RCN2: variants seen among roughly 807,000 people sequenced by gnomAD.
RCN2 encodes reticulocalbin 2.
RCN2 carries 23 observed loss-of-function variants against 37.5 expected under a neutral mutation model. The ratio of observed to expected loss-of-function variants is 0.61; its 90% confidence interval spans 0.44 to 0.87. RCN2 has a LOEUF of 0.87. Ranked by LOEUF, RCN2 falls within the 40% of genes least tolerant of loss-of-function variation. RCN2 has a pLI of 0.00. For synonymous variants in RCN2, 140 were observed against 144.6 expected, an observed-to-expected ratio of 0.97 and a Z score of 0.23; for missense variants, 381 against 390.4, an observed-to-expected ratio of 0.98 and a Z score of 0.20.
intron 3 of RCN2, among the ~76,000 whole-genome samples, chr15:76,938,990 C>T (rs1453640110): frequency 6.6e-6 from 1 of 152,168 alleles, no homozygotes; most frequent in Non-Finnish European, 1.5e-5. Flanking sequence ...TGTGGCAAGA[C>T]CCCGTCCCTA....
At position 76,931,772 on chromosome 15, in the gene RCN2, A is replaced by G. The variant is rs2075221539; in HGVS notation, c.-70A>G. 2 of 1,140,696 alleles carry G rather than the reference A, an allele frequency of 1.8e-6. No individual in the cohort carries two copies. The highest frequency in any genetic ancestry group is 2.2e-6 in the Non-Finnish European group (2 of 917,594). The allele number at this position is 1,140,696 out of a possible 1,614,324, so 70.7% of individuals were successfully genotyped here. On this transcript the variant is annotated 5_prime_UTR_variant, in exon 1 of 7. Coordinates refer to ENST00000394885, the MANE Select transcript of RCN2 (RefSeq NM_002902.3). ...GCCTCTCTGTAGCCGCCCGCGGAGC[A>G]TCGCAGCCGGCCCGGGCCCCCGCCA...
chr15:76,940,109 A>ATT (rs112017316), intron 3 of RCN2, among the ~76,000 whole-genome samples: 1,875 of 148,624 alleles, frequency 0.013, 33 homozygotes, highest in African/African-American at 0.043. Flanking sequence ...CCTTTTGGTT[A>ATT]TTTTTTTTTT....
rs767757361 is a variant in RCN2 at position 76,949,270 on chromosome 15, A to G, written c.*48A>G. ...GTACTGGCTCCTTTTATAATTTGTTACCAGCTTTACTTTTGTGATAAAATA... is the reference window on the plus strand; with the variant it reads ...GTACTGGCTCCTTTTATAATTTGTTGCCAGCTTTACTTTTGTGATAAAATA... On this transcript the variant is annotated 3_prime_UTR_variant, in exon 7 of 7. Transcript: ENST00000394885. 5 of 1,293,208 alleles carry G rather than the reference A, an allele frequency of 3.9e-6. No homozygotes were observed. The South Asian group carries it at 8.8e-5, about 23-fold the overall frequency. 80.1% of individuals were successfully genotyped at this position (1,293,208 alleles called of 1,614,324 possible).
At chr15:76,934,142 G>GTTT (rs1257658118) in intron 2 of RCN2, among the ~76,000 whole-genome samples, 3 of 151,016 alleles carry the variant, frequency 2.0e-5, no homozygotes, top group Non-Finnish European at 1.5e-5. Flanking sequence ...TTTATGAATA[G>GTTT]TTTTTTGTTT....
chr15:76,938,800 G>C, intron 3 of RCN2: 2 of 454,928 alleles, frequency 4.4e-6, no homozygotes, highest in Non-Finnish European at 8.9e-6. Flanking sequence ...AGCACTTCAC[G>C]GTTGTGTAAC....
chr15:76,948,263 A>T (rs1333719518), intron 5 of RCN2, 147 bp from the exon 6 acceptor site: 4 of 481,800 alleles, frequency 8.3e-6, no homozygotes, highest in Non-Finnish European at 1.4e-5. Context: ...TTCTTATGTC[A>T]GGACTTTTCA....
chr15:76,947,821 C>G, intron 5 of RCN2: 1 of 281,904 alleles, frequency 3.5e-6, no homozygotes, highest in Non-Finnish European at 6.5e-6. Context: ...AAACAAAATC[C>G]TGTGCTGTTG....
At position 76,950,185 on chromosome 15, in the gene RCN2, C is replaced by T. The variant is rs927770078; in HGVS notation, c.*963C>T. ...TCTTGAGTAACGCAGGTTGGAATTACCAATAGAGCTGGTCAGTTATCAACA... is the reference window on the plus strand; with the variant it reads ...TCTTGAGTAACGCAGGTTGGAATTATCAATAGAGCTGGTCAGTTATCAACA... On this transcript the variant is annotated 3_prime_UTR_variant, in exon 7 of 7. Transcript: ENST00000394885. The T allele has an allele frequency of 3.9e-5, 6 of 151,906 alleles. No individual in the cohort carries two copies. Among genetic ancestry groups the T allele is most frequent in the Non-Finnish European group, 8.8e-5 (6 of 68,014 alleles). The allele number at this position is 151,906 out of a possible 1,614,324, so 9.4% of individuals were successfully genotyped here.
At chr15:76,933,059 G>A (rs1401415911) in intron 2 of RCN2, among the ~76,000 whole-genome samples, 1 of 151,838 alleles carries the variant, frequency 6.6e-6, no homozygotes, top group African/African-American at 2.4e-5. Context: ...CTTAATTCAG[G>A]TTTTAATATC....
intron 2 of RCN2, among the ~76,000 whole-genome samples, chr15:76,934,382 TC>T (rs2075237914): frequency 6.6e-6 from 1 of 152,178 alleles, no homozygotes; most frequent in Non-Finnish European, 1.5e-5. Context: ...CCTTAGGTGA[TC>T]CGCCTGCCTC....
At chr15:76,938,893 G>A (rs1394308510) in intron 3 of RCN2, 2 of 419,812 alleles carry the variant, frequency 4.8e-6, no homozygotes, top group Admixed American at 2.4e-5. Flanking sequence ...CAGGCCAGGT[G>A]TGGTGGCTCA....
rs751147674 is a variant in RCN2 at position 76,933,785 on chromosome 15, C to T, written c.250+1319C>T. On this transcript the variant is annotated intron_variant, in intron 2 of 6. Coordinates refer to ENST00000394885, the MANE Select transcript of RCN2 (RefSeq NM_002902.3). ...CTAGAAGAAAGATTCATGGTGCTTACGAAAGCCTTCATTCTACTTGAGGAC... is the reference window on the plus strand; with the variant it reads ...CTAGAAGAAAGATTCATGGTGCTTATGAAAGCCTTCATTCTACTTGAGGAC... Among the ~76,000 whole-genome samples, 5 of 152,170 alleles carry T rather than the reference C, an allele frequency of 3.3e-5. No homozygotes were observed. The East Asian group carries it at 7.8e-4, about 24-fold the overall frequency.
intron 3 of RCN2, chr15:76,941,760 C>CTTT: frequency 6.2e-5 from 36 of 581,196 alleles, no homozygotes; most frequent in South Asian, 7.9e-5. Context: ...ACCCCCTTCA[C>CTTT]TTTTTTTTTT....
In RCN2 at chr15:76,943,984, C is replaced by CTTT. The variant is rs11361216; in HGVS notation, c.561+137_561+139dup. 44 of 96,396 alleles carry CTTT rather than the reference C, an allele frequency of 4.6e-4. 1 individual carries two copies. Among genetic ancestry groups the CTTT allele is most frequent in the South Asian group, 2.0e-3 (12 of 5,862 alleles). The allele number at this position is 96,396 out of a possible 1,614,324, so 6.0% of individuals were successfully genotyped here. On this transcript the variant is annotated intron_variant, in intron 4 of 6. Transcript: ENST00000394885. Reference sequence around the variant, plus strand: ...ATATATGTTTATGGGATACATGAGACTTTTTTTTTTTTTTTTTTTTTTTTT... The same window carrying CTTT: ...ATATATGTTTATGGGATACATGAGACTTTTTTTTTTTTTTTTTTTTTTTTTTTT...
At chr15:76,944,374 C>T (rs955612448) in intron 4 of RCN2, among the ~76,000 whole-genome samples, 1 of 152,096 alleles carries the variant, frequency 6.6e-6, no homozygotes, top group Non-Finnish European at 1.5e-5. Context: ...GTGTTACTAA[C>T]AATCCCGTGA....
chr15:76,931,759 C>A lies in RCN2; in HGVS notation c.-83C>A. ...CGTACGTCGCACCGCCTCTCTGTAG[C>A]CGCCCGCGGAGCATCGCAGCCGGCC... On this transcript the variant is annotated 5_prime_UTR_variant, in exon 1 of 7. Coordinates refer to ENST00000394885, the MANE Select transcript of RCN2 (RefSeq NM_002902.3). The A allele has an allele frequency of 9.2e-7, 1 of 1,083,208 alleles. No individual in the cohort carries two copies. The highest frequency in any genetic ancestry group is 1.7e-5 in the African/African-American group (1 of 60,328). The allele number at this position is 1,083,208 out of a possible 1,614,324, so 67.1% of individuals were successfully genotyped here.
chr15:76,936,393 G>A (rs1010399558), intron 3 of RCN2, among the ~76,000 whole-genome samples: 2 of 152,130 alleles, frequency 1.3e-5, no homozygotes, highest in African/African-American at 4.8e-5. Flanking sequence ...GTGTGGCGGG[G>A]GGGTGGGGAA....
In RCN2 at chr15:76,938,958, G is replaced by C. The variant is rs959720425; in HGVS notation, c.447+3236G>C. 12 of 343,348 alleles carry C rather than the reference G, an allele frequency of 3.5e-5. No individual in the cohort carries two copies. The East Asian group carries it at 9.0e-4, about 26-fold the overall frequency. The allele number at this position is 343,348 out of a possible 1,614,324, so 21.3% of individuals were successfully genotyped here. A position where few individuals can be genotyped will look rare whatever the true frequency, so the allele number is the denominator to read the frequency against. On this transcript the variant is annotated intron_variant, in intron 3 of 6. Transcript: ENST00000394885. Reference sequence around the variant, plus strand: ...AAGGTGGGAGAATCACTTGAGCCCAGAGTTCGAGAACAACTGGGCAATGTG... The same window carrying C: ...AAGGTGGGAGAATCACTTGAGCCCACAGTTCGAGAACAACTGGGCAATGTG...
chr15:76,948,072 CAT>C (rs1843918331), intron 5 of RCN2: 1 of 175,444 alleles, frequency 5.7e-6, no homozygotes, highest in Non-Finnish European at 1.2e-5. Context: ...TTTGTGAAAA[CAT>C]GTAAGAAACT....
Sources: gnomAD v4.1 joint callset for allele counts (sites outside exome capture counted in the v4.1 genomes callset) on GRCh38, gnomAD v4.1.1 for gene constraint, MANE v1.5 for transcripts, NCBI Gene and HGNC (gene_info 2026-07-23, HGNC 2026-07-21) for gene names.